Variants in IPCEF1 observed in about 807,000 individuals in gnomAD.
IPCEF1 encodes interactor protein for cytohesin exchange factors 1.
IPCEF1 carries 31 observed loss-of-function variants against 50.9 expected under a neutral mutation model. That is an observed-to-expected ratio of 0.61 (90% confidence interval 0.46 to 0.82). IPCEF1 has a LOEUF of 0.82. IPCEF1 is among the 40% of genes least tolerant of loss of function. IPCEF1 has a pLI of 0.00. For synonymous variants in IPCEF1, 181 were observed against 192.0 expected, an observed-to-expected ratio of 0.94 and a Z score of 0.47; for missense variants, 458 against 514.0, an observed-to-expected ratio of 0.89 and a Z score of 1.05.
chr6:154,164,376 A>T (rs1162429286), intron 11 of IPCEF1, among the ~76,000 whole-genome samples: 2 of 152,152 alleles, frequency 1.3e-5, no homozygotes, highest in African/African-American at 4.8e-5. Flanking sequence ...TCTTCTATGG[A>T]TGAAAGAAAA....
At chr6:154,179,640 G>T (rs1800663820) in intron 10 of IPCEF1, among the ~76,000 whole-genome samples, 1 of 152,186 alleles carries the variant, frequency 6.6e-6, no homozygotes, top group Non-Finnish European at 1.5e-5. Flanking sequence ...GCCACAGAAG[G>T]CACTTTAAAG....
intron 3 of IPCEF1, among the ~76,000 whole-genome samples, chr6:154,252,694 A>C (rs1781367165): frequency 1.3e-5 from 2 of 152,170 alleles, no homozygotes; most frequent in African/African-American, 4.8e-5. Flanking sequence ...AAAAAAAGAA[A>C]AGAAAAAACG....
intron 1 of IPCEF1, among the ~76,000 whole-genome samples, chr6:154,339,751 T>A (rs947404479): frequency 3.9e-4 from 59 of 151,982 alleles, no homozygotes; most frequent in African/African-American, 1.2e-3. Flanking sequence ...CACCACCACA[T>A]CCAGCTAATT....
intron 9 of IPCEF1, among the ~76,000 whole-genome samples, chr6:154,203,979 C>T (rs1466723428): frequency 6.6e-6 from 1 of 152,046 alleles, no homozygotes; most frequent in Non-Finnish European, 1.5e-5. Context: ...GTTCTCATAA[C>T]CTCAGATAAA....
intron 1 of IPCEF1, among the ~76,000 whole-genome samples, chr6:154,340,054 T>C (rs1375645729): frequency 2.0e-5 from 3 of 151,036 alleles, no homozygotes; most frequent in South Asian, 2.2e-4. Context: ...CAGCTGAAGA[T>C]ACTTGAGGCT....
intron 10 of IPCEF1, among the ~76,000 whole-genome samples, chr6:154,179,250 C>T (rs1282854173): frequency 6.6e-6 from 1 of 152,202 alleles, no homozygotes; most frequent in African/African-American, 2.4e-5. Context: ...AATTGCTATA[C>T]TAAGACTACA....
chr6:154,259,557 C>T lies in IPCEF1; in HGVS notation c.36+6355G>A, dbSNP rs541118444. Among the ~76,000 whole-genome samples the T allele has an allele frequency of 3.4e-3, 519 of 152,216 alleles. 6 individuals carry two copies. The highest frequency in any genetic ancestry group is 0.012 in the African/African-American group (496 of 41,518). ...ATCCCAGCTACTCGGGAGGCTGAGG[C>T]AGGAAAATCACTTGAACCTGGGAGG... On this transcript the variant is annotated intron_variant, in intron 3 of 11. Coordinates refer to ENST00000367220, the MANE Select transcript of IPCEF1 (RefSeq NM_001130700.2).
intron 2 of IPCEF1, among the ~76,000 whole-genome samples, chr6:154,288,028 G>A (rs1317848269): frequency 1.3e-5 from 2 of 152,264 alleles, no homozygotes; most frequent in East Asian, 1.9e-4. Flanking sequence ...TAGAATTTAT[G>A]TCTTAGAAGA....
intron 2 of IPCEF1, among the ~76,000 whole-genome samples, chr6:154,275,964 G>T (rs1028460166): frequency 2.0e-5 from 3 of 152,064 alleles, no homozygotes; most frequent in African/African-American, 7.2e-5. Flanking sequence ...TGGATCACTT[G>T]AGGTCAGGAG....
chr6:154,269,957 G>C (rs1781861720), intron 2 of IPCEF1, among the ~76,000 whole-genome samples: 1 of 152,108 alleles, frequency 6.6e-6, no homozygotes, highest in Admixed American at 6.6e-5. Context: ...TACATATAAA[G>C]TACACAATAA....
At chr6:154,211,762 T>C (rs1010564962) in intron 9 of IPCEF1, among the ~76,000 whole-genome samples, 2 of 152,214 alleles carry the variant, frequency 1.3e-5, no homozygotes, top group Non-Finnish European at 2.9e-5. Flanking sequence ...AGTGATTGTG[T>C]TTTTTGCATT....
At chr6:154,346,826 C>T (rs1784038951) in intron 1 of IPCEF1, among the ~76,000 whole-genome samples, 1 of 152,224 alleles carries the variant, frequency 6.6e-6, no homozygotes, top group Admixed American at 6.5e-5. Context: ...CAAGTTTCCT[C>T]CCCCAACACG....
At chr6:154,221,677 T>A (rs1364814255) in intron 6 of IPCEF1, among the ~76,000 whole-genome samples, 1 of 151,924 alleles carries the variant, frequency 6.6e-6, no homozygotes, top group Non-Finnish European at 1.5e-5. Flanking sequence ...ATCGAGACCA[T>A]CCTGGCTAAC....
intron 5 of IPCEF1, among the ~76,000 whole-genome samples, chr6:154,242,027 C>T (rs146239245): frequency 6.6e-6 from 1 of 152,324 alleles, no homozygotes; most frequent in East Asian, 1.9e-4. Context: ...CTTAAATTCC[C>T]TGAGCTTCAG....
chr6:154,296,898 C>T (rs1381342113), intron 1 of IPCEF1, among the ~76,000 whole-genome samples: 1 of 150,790 alleles, frequency 6.6e-6, no homozygotes, highest in Non-Finnish European at 1.5e-5. Context: ...AGACAAAGAA[C>T]ATTAAAGTGA....
chr6:154,334,074 G>A (rs1289385477), intron 1 of IPCEF1, among the ~76,000 whole-genome samples: 4 of 152,172 alleles, frequency 2.6e-5, no homozygotes, highest in Non-Finnish European at 5.9e-5. Context: ...CTAACATTTA[G>A]AGGTCTAGAT....
chr6:154,253,257 C>T (rs969341193), intron 3 of IPCEF1, among the ~76,000 whole-genome samples: 26 of 151,900 alleles, frequency 1.7e-4, no homozygotes, highest in African/African-American at 5.8e-4. Flanking sequence ...AGGCTGGTCT[C>T]GAAATCATAG....
chr6:154,345,059 A>G (rs992301138), intron 1 of IPCEF1, among the ~76,000 whole-genome samples: 3 of 152,182 alleles, frequency 2.0e-5, no homozygotes, highest in African/African-American at 7.2e-5. Context: ...TTGTAGAGAC[A>G]GGGTTTCAAC....
intron 10 of IPCEF1, among the ~76,000 whole-genome samples, chr6:154,186,020 G>A (rs1377707481): frequency 6.6e-6 from 1 of 152,134 alleles, no homozygotes; most frequent in African/African-American, 2.4e-5. Context: ...TATCAATATT[G>A]GGGCACCCCA....
Sources: gnomAD v4.1 joint callset for allele counts (sites outside exome capture counted in the v4.1 genomes callset) on GRCh38, gnomAD v4.1.1 for gene constraint, MANE v1.5 for transcripts, NCBI Gene and HGNC (gene_info 2026-07-23, HGNC 2026-07-21) for gene names.